The following MSI2 variants were observed in gnomAD, a reference collection of about 807,000 sequenced individuals.
The protein encoded by MSI2 is RNA-binding protein Musashi homolog 2.
In MSI2, 17 loss-of-function variants were observed where a neutral mutation model predicts 45.6. That is an observed-to-expected ratio of 0.37 (90% CI 0.26 to 0.56). The LOEUF is 0.56. MSI2 is among the 20% of genes least tolerant of loss of function. The pLI is 0.77. For synonymous variants in MSI2, 156 were observed against 158.2 expected, an observed-to-expected ratio of 0.99 and a Z score of 0.11; for missense variants, 293 against 444.2, an observed-to-expected ratio of 0.66 and a Z score of 3.06.
chr17:57,503,188 A>G (rs985645493), intron 6 of MSI2, among the ~76,000 whole-genome samples: 1 of 152,160 alleles, frequency 6.6e-6, no homozygotes, highest in Non-Finnish European at 1.5e-5. Context: ...AATGAAAGAG[A>G]GCTGATGGGG....
intron 5 of MSI2, among the ~76,000 whole-genome samples, chr17:57,300,793 C>T (rs1282789379): frequency 6.6e-6 from 1 of 152,172 alleles, no homozygotes; most frequent in Non-Finnish European, 1.5e-5. Context: ...GGGGTTTCCC[C>T]TTATAAAACC....
intron 6 of MSI2, among the ~76,000 whole-genome samples, chr17:57,437,221 C>T (rs1210648260): frequency 3.3e-5 from 5 of 152,212 alleles, no homozygotes; most frequent in African/African-American, 1.2e-4. Flanking sequence ...CATCCTAACT[C>T]ATTTCTTCGT....
At chr17:57,485,103 G>A (rs977678822) in intron 6 of MSI2, among the ~76,000 whole-genome samples, 13 of 152,194 alleles carry the variant, frequency 8.5e-5, no homozygotes, top group Admixed American at 7.9e-4. Context: ...AGTGTTTCCA[G>A]TTCAAATGGG....
intron 7 of MSI2, among the ~76,000 whole-genome samples, chr17:57,540,407 T>G (rs1167256341): frequency 6.6e-6 from 1 of 152,198 alleles, no homozygotes; most frequent in African/African-American, 2.4e-5. Context: ...TGAAGGGTGT[T>G]GTGGGCTGAA....
chr17:57,691,661 A>G, the MSI2 span, among the ~76,000 whole-genome samples: 4 of 152,338 alleles, frequency 2.6e-5, no homozygotes, highest in East Asian at 5.8e-4. Flanking sequence ...TTGCTCATGT[A>G]TAGAAATACA....
intron 11 of MSI2, among the ~76,000 whole-genome samples, chr17:57,667,192 G>A (rs367561815): frequency 1.3e-4 from 20 of 152,272 alleles, no homozygotes; most frequent in African/African-American, 4.1e-4. Flanking sequence ...TGCAGGTTCC[G>A]GGGAGCCTCC....
At chr17:57,573,480 C>T (rs1461262262) in intron 7 of MSI2, among the ~76,000 whole-genome samples, 3 of 152,016 alleles carry the variant, frequency 2.0e-5, no homozygotes, top group African/African-American at 7.3e-5. Flanking sequence ...AGTGAACCAC[C>T]CAGGCTGAAA....
chr17:57,576,484 A>G (rs537618484), intron 7 of MSI2, among the ~76,000 whole-genome samples: 30 of 152,202 alleles, frequency 2.0e-4, no homozygotes, highest in Non-Finnish European at 2.8e-4. Context: ...GGCTGGGTGC[A>G]GTGGCCCACA....
intron 5 of MSI2, among the ~76,000 whole-genome samples, chr17:57,346,670 G>A (rs1049396038): frequency 2.0e-5 from 3 of 151,918 alleles, no homozygotes; most frequent in East Asian, 1.9e-4. Flanking sequence ...GCAGTGGCAC[G>A]ATCATGGCTC....
chr17:57,284,614 A>T (rs191984099), intron 5 of MSI2, among the ~76,000 whole-genome samples: 1 of 152,360 alleles, frequency 6.6e-6, no homozygotes, highest in East Asian at 1.9e-4. Flanking sequence ...CCCAATTTTT[A>T]AAAAAGTATT....
chr17:57,331,271 G>A (rs1914248001), intron 5 of MSI2, among the ~76,000 whole-genome samples: 1 of 152,116 alleles, frequency 6.6e-6, no homozygotes, highest in Non-Finnish European at 1.5e-5. Flanking sequence ...TGAAGAACTG[G>A]CCCAGGACAC....
chr17:57,335,803 G>T (rs953265932), intron 5 of MSI2, among the ~76,000 whole-genome samples: 1 of 152,202 alleles, frequency 6.6e-6, no homozygotes, highest in South Asian at 2.1e-4. Context: ...AGTGCTCCAG[G>T]TTGGGAGCAC....
chr17:57,578,481 G>A (rs986360765), intron 7 of MSI2, among the ~76,000 whole-genome samples: 1 of 151,962 alleles, frequency 6.6e-6, no homozygotes, highest in Non-Finnish European at 1.5e-5. Flanking sequence ...CAGGACTGGG[G>A]GGGTAGGATG....
In MSI2 at chr17:57,529,611, A is replaced by T; in HGVS notation, c.406-65A>T. 6.9e-7 allele frequency: 1 copy of T among 1,445,828 alleles called. No homozygotes were observed. The highest frequency in any genetic ancestry group is 2.3e-5 in the East Asian group (1 of 43,726). The allele number at this position is 1,445,828 out of a possible 1,614,324, so 89.6% of individuals were successfully genotyped here. On this transcript the variant is annotated intron_variant, in intron 6 of 13. Coordinates refer to ENST00000284073, the MANE Select transcript of MSI2 (RefSeq NM_138962.4). The surrounding 1 kb of genome is among the most constrained non-coding windows in gnomAD (Gnocchi z 5.3). ...ACTACCCCCTCACCCCCCGACATGCATATAATGTTTTGTGTACTTTCTTAA... is the reference window on the plus strand; with the variant it reads ...ACTACCCCCTCACCCCCCGACATGCTTATAATGTTTTGTGTACTTTCTTAA...
rs190171044 is a variant in MSI2, at chr17:57,486,286, C to T, written c.406-43390C>T. Among the ~76,000 whole-genome samples the T allele has an allele frequency of 1.3e-3, 204 of 152,350 alleles. 1 individual carries two copies. Among genetic ancestry groups the T allele is most frequent in the Non-Finnish European group, 2.5e-3 (167 of 68,036 alleles). On this transcript the variant is annotated intron_variant, in intron 6 of 13. Coordinates refer to ENST00000284073, the MANE Select transcript of MSI2 (RefSeq NM_138962.4). Reference sequence around the variant, plus strand: ...GAACCAGAAATGAATTTACAAGGGGCTCTCTCCTAGCCTTGTGGAATTAGA... The same window carrying T: ...GAACCAGAAATGAATTTACAAGGGGTTCTCTCCTAGCCTTGTGGAATTAGA...
At chr17:57,551,008 ATTTAT>A (rs543969229) in intron 7 of MSI2, among the ~76,000 whole-genome samples, 1 of 152,272 alleles carries the variant, frequency 6.6e-6, no homozygotes, top group Middle Eastern at 3.4e-3. Context: ...ATTTGAATTT[ATTTAT>A]TTTAATGATT....
At chr17:57,523,634 G>A (rs1271601285) in intron 6 of MSI2, 1 of 152,228 alleles carries the variant, frequency 6.6e-6, no homozygotes, top group African/African-American at 2.4e-5. Flanking sequence ...GCGCTTCTAG[G>A]ATCTCTGTCT....
At chr17:57,466,550 C>A (rs2085334557) in intron 6 of MSI2, among the ~76,000 whole-genome samples, 1 of 152,140 alleles carries the variant, frequency 6.6e-6, no homozygotes, top group African/African-American at 2.4e-5. Context: ...TCTCTCCCTC[C>A]CCCTGCCACC....
At chr17:57,563,746 G>GCGCGCACACACACA (rs534460755) in intron 7 of MSI2, among the ~76,000 whole-genome samples, 1 of 139,398 alleles carries the variant, frequency 7.2e-6, no homozygotes. Flanking sequence ...ACACAGGCGC[G>GCGCGCACACACACA]CACACACACA....
Sources: allele counts gnomAD v4.1 joint callset (sites outside exome capture counted in the v4.1 genomes callset), GRCh38; gene constraint gnomAD v4.1.1; non-coding constraint Gnocchi (gnomAD v3.1); transcripts MANE v1.5; gene names NCBI Gene and HGNC (gene_info 2026-07-23, HGNC 2026-07-21).